TPTE2: variants seen among roughly 807,000 people sequenced by gnomAD.
TPTE2 encodes transmembrane phosphoinositide 3-phosphatase and tensin homolog 2.
TPTE2 carries 53 observed loss-of-function variants against 78.6 expected under a neutral mutation model. The observed-to-expected ratio is 0.67, with a 90% confidence interval of 0.54 to 0.85. The LOEUF is 0.85. Among genes scored for constraint, TPTE2 ranks in the 40% least tolerant of loss-of-function variants. The pLI, the probability that TPTE2 is intolerant of heterozygous loss-of-function variation, is 0.00. For synonymous variants in TPTE2, 175 were observed against 206.2 expected (o/e 0.85, Z 1.30); for missense variants, 461 against 623.0 (o/e 0.74, Z 2.77).
exon 8 of TPTE2, chr13:19,465,524 T>C (rs545872239): frequency 1.2e-6 from 2 of 1,609,882 alleles, no homozygotes; most frequent in South Asian, 2.2e-5. Flanking sequence ...AAAATTCTTA[T>C]CAGAATAATA....
At chr13:19,471,497 C>A (rs553078710) in intron 6 of TPTE2, among the ~76,000 whole-genome samples, 6 of 151,954 alleles carry the variant, frequency 3.9e-5, no homozygotes, top group African/African-American at 1.4e-4. Flanking sequence ...TCTTATAATC[C>A]ATTATTTTAA....
chr13:19,504,693 T>C (rs2137678139), upstream of TPTE2, among the ~76,000 whole-genome samples: 1 of 152,258 alleles, frequency 6.6e-6, no homozygotes, highest in East Asian at 1.9e-4. Context: ...TTTTATCCAA[T>C]TTAATCAAAA....
intron 1 of TPTE2, among the ~76,000 whole-genome samples, chr13:19,497,242 C>T (rs1359961778): frequency 2.0e-4 from 29 of 145,444 alleles, no homozygotes; most frequent in South Asian, 9.9e-4. Context: ...CGACATTGCC[C>T]AGGCTTGATT....
At chr13:19,497,312 C>G (rs1881406081) in intron 1 of TPTE2, among the ~76,000 whole-genome samples, 2 of 140,430 alleles carry the variant, frequency 1.4e-5, no homozygotes. Flanking sequence ...CTCAAGGAGG[C>G]CTGCCTGCCT....
chr13:19,540,909 T>C (rs1380073512), upstream of TPTE2, among the ~76,000 whole-genome samples: 1 of 152,226 alleles, frequency 6.6e-6, no homozygotes, highest in Non-Finnish European at 1.5e-5. Context: ...TGTCTACTGG[T>C]GCATAATGAA....
At chr13:19,426,402 G>C in intron 18 of TPTE2, 23 bp downstream of exon 21, 2 of 1,526,180 alleles carry the variant, frequency 1.3e-6, no homozygotes, top group Non-Finnish European at 1.8e-6. Flanking sequence ...AACAATGGCA[G>C]AGGCTATTTT....
chr13:19,523,369 A>G (rs1397440954), intron 1 of TPTE2, among the ~76,000 whole-genome samples: 1 of 152,208 alleles, frequency 6.6e-6, no homozygotes, highest in Non-Finnish European at 1.5e-5. Context: ...AGAGATCTGA[A>G]AAGTTGCTTT....
At chr13:19,536,909 T>C (rs1454581040), upstream of TPTE2, 3 of 150,896 alleles carry the variant, frequency 2.0e-5, no homozygotes, top group East Asian at 1.9e-4. Context: ...TATTCATGAA[T>C]ATACTTGTTT....
upstream of TPTE2, among the ~76,000 whole-genome samples, chr13:19,503,842 G>A (rs971743447): frequency 3.9e-5 from 6 of 152,138 alleles, no homozygotes; most frequent in African/African-American, 7.2e-5. Context: ...CCGGGTTCAC[G>A]CCATTCTCCT....
chr13:19,506,377 T>G (rs887224056), upstream of TPTE2, among the ~76,000 whole-genome samples: 27 of 151,042 alleles, frequency 1.8e-4, no homozygotes, highest in East Asian at 2.7e-3. Flanking sequence ...GTTTCACCGT[T>G]TTAGCCGGGA....
chr13:19,439,690 A>G (rs1322806566), intron 13 of TPTE2, among the ~76,000 whole-genome samples: 2 of 152,154 alleles, frequency 1.3e-5, no homozygotes, highest in Non-Finnish European at 2.9e-5. Flanking sequence ...TTCAAGGTTG[A>G]AATCAACAAA....
chr13:19,467,341 T>C (rs1053253023), exon 7 of TPTE2: 9 of 1,497,750 alleles, frequency 6.0e-6, no homozygotes, highest in Non-Finnish European at 7.9e-6. Context: ...AATACTGCTG[T>C]CTCCTGTAAT....
rs148068686 is a variant in TPTE2 at position 19,425,520 on chromosome 13, C to A, written c.1396-503G>T. On this transcript the variant is annotated intron_variant, in intron 18 of 19. Coordinates refer to ENST00000400230, the Ensembl canonical transcript of TPTE2. ...GATATCTGCCTTATACAACCTTCTC[C>A]TGATGACCACTTCACTATGGGACAG... is the stretch of plus-strand genomic sequence containing the variant. 2.5e-3 allele frequency among the ~76,000 whole-genome samples: 377 copies of A among 152,222 alleles called. 2 individuals carry two copies. The highest frequency in any genetic ancestry group is 7.8e-3 in the African/African-American group (326 of 41,546).
At chr13:19,492,973 C>T (rs1386122816) in intron 2 of TPTE2, 70 bp from the exon 6 acceptor site, 15 of 1,591,054 alleles carry the variant, frequency 9.4e-6, no homozygotes, top group African/African-American at 4.0e-5. Context: ...GGAAAATTAG[C>T]TTTTATTACT....
intron 10 of TPTE2, among the ~76,000 whole-genome samples, chr13:19,462,854 TC>T (rs1407465665): frequency 1.3e-5 from 2 of 151,862 alleles, no homozygotes; most frequent in Non-Finnish European, 2.9e-5. Flanking sequence ...GAATATTCCC[TC>T]TTTTTGACTT....
intron 1 of TPTE2, among the ~76,000 whole-genome samples, chr13:19,517,190 A>C (rs1869849422): frequency 6.6e-6 from 1 of 152,194 alleles, no homozygotes; most frequent in Admixed American, 6.5e-5. Flanking sequence ...CCAGAATAAC[A>C]CAAGTCTGAG....
chr13:19,433,575 T>C (rs1389213484), intron 15 of TPTE2, among the ~76,000 whole-genome samples: 2 of 152,100 alleles, frequency 1.3e-5, no homozygotes, highest in African/African-American at 4.8e-5. Context: ...TTGGGAAATG[T>C]TCATTAAAGT....
At chr13:19,498,166 G>A (rs546043659) in intron 1 of TPTE2, among the ~76,000 whole-genome samples, 29 of 152,164 alleles carry the variant, frequency 1.9e-4, no homozygotes, top group Non-Finnish European at 4.1e-4. Flanking sequence ...CCAAATCTAC[G>A]TCTCATTGGT....
intron 10 of TPTE2, among the ~76,000 whole-genome samples, chr13:19,456,087 C>T (rs565882025): frequency 4.6e-5 from 7 of 152,256 alleles, no homozygotes; most frequent in African/African-American, 1.7e-4. Context: ...AAAGTAGTAA[C>T]TTTATATGAT....
Sources: gnomAD v4.1 joint callset for allele counts (sites outside exome capture counted in the v4.1 genomes callset) on GRCh38, gnomAD v4.1.1 for gene constraint, MANE v1.5 for transcripts, NCBI Gene and HGNC (gene_info 2026-07-23, HGNC 2026-07-21) for gene names.